Variants in SMAD4 observed in about 807,000 individuals in gnomAD.
The protein encoded by SMAD4 is MAD homolog 4.
SMAD4 carries 7 observed loss-of-function variants against 63.2 expected under a neutral mutation model. The observed-to-expected ratio is 0.11, with a 90% CI of 0.06 to 0.21. The LOEUF is 0.21. SMAD4 is among the 10% of genes least tolerant of loss of function. The pLI, the probability that SMAD4 is intolerant of heterozygous loss-of-function variation, is 1.00. For missense variants in SMAD4, 312 were observed against 693.8 expected (o/e 0.45, Z 6.18); for synonymous variants, 215 against 235.4 (o/e 0.91, Z 0.79).
At chr18:51,035,608 A>G (rs1599173066) in intron 1 of SMAD4, among the ~76,000 whole-genome samples, 1 of 152,320 alleles carries the variant, frequency 6.6e-6, no homozygotes, top group South Asian at 2.1e-4. Context: ...CAAGCCCCCA[A>G]TTAACTAGTC....
At position 51,051,398 on chromosome 18, in the gene SMAD4, G is replaced by C; in HGVS notation, c.454+2074G>C. On this transcript the variant is annotated intron_variant, in intron 4 of 11. Coordinates refer to ENST00000342988, the MANE Select transcript of SMAD4 (RefSeq NM_005359.6). ...ACAGCTCCTTCTAGATTTGGACAAA[G>C]GAATGATACAAGAGCAGGTAACTAA... 1.1e-5 allele frequency: 5 copies of C among 456,124 alleles called. 1 individual carries two copies. Among genetic ancestry groups the C allele is most frequent in the South Asian group, 3.1e-5 (2 of 64,542 alleles). 28.3% of individuals were successfully genotyped at this position (456,124 alleles called of 1,614,324 possible). A position where few individuals can be genotyped will look rare whatever the true frequency, so the allele number is the denominator to read the frequency against.
chr18:51,062,848 C>CTTATT (rs1366376175), intron 8 of SMAD4, among the ~76,000 whole-genome samples: 20 of 83,594 alleles, frequency 2.4e-4, no homozygotes, highest in African/African-American at 8.4e-4. Flanking sequence ...TCTGGCTTTA[C>CTTATT]TTGTTTTTTT....
At chr18:51,045,626 C>G (rs1414909636) in intron 1 of SMAD4, among the ~76,000 whole-genome samples, 1 of 152,084 alleles carries the variant, frequency 6.6e-6, no homozygotes, top group Non-Finnish European at 1.5e-5. Flanking sequence ...CTTTAAAGAA[C>G]AGCTGTATTG....
At position 51,047,315 on chromosome 18, in the gene SMAD4, T is replaced by C. The variant is rs780723246; in HGVS notation, c.249+20T>C. ...CTTCAGGTTAGTCTTATAAGAGTTT[T>C]TCTATACCCTCTATGGTGGCAGATT... On this transcript the variant is annotated intron_variant, in intron 2 of 11. Coordinates refer to ENST00000342988, the MANE Select transcript of SMAD4 (RefSeq NM_005359.6). 4 of 1,611,330 alleles carry C rather than the reference T, an allele frequency of 2.5e-6. No individual in the cohort carries two copies. Among genetic ancestry groups the C allele is most frequent in the Non-Finnish European group, 3.4e-6 (4 of 1,178,070 alleles).
Position 51,083,067 on chromosome 18 carries a change from T to G in SMAD4, c.*4600T>G, listed in dbSNP as rs1234530519. 4.4e-6 allele frequency: 1 copy of G among 225,116 alleles called. No individual in the cohort carries two copies. The highest frequency in any genetic ancestry group is 8.9e-6 in the Non-Finnish European group (1 of 112,940). The allele number at this position is 225,116 out of a possible 1,614,324, so 13.9% of individuals were successfully genotyped here. A position where few individuals can be genotyped will look rare whatever the true frequency, so the allele number is the denominator to read the frequency against. Reference sequence around the variant, plus strand: ...AGTTGAGATAGAGAGAAGTGAGTCATATTCATATTTTCCCCCTTAGAATAA... The same window carrying G: ...AGTTGAGATAGAGAGAAGTGAGTCAGATTCATATTTTCCCCCTTAGAATAA... On this transcript the variant is annotated 3_prime_UTR_variant, in exon 12 of 12. Transcript: ENST00000342988.
chr18:51,059,937 A>T (rs1462614948), intron 8 of SMAD4, 21 bp downstream of exon 8: 1 of 1,581,448 alleles, frequency 6.3e-7, no homozygotes, highest in Non-Finnish European at 8.7e-7. Context: ...TTCAAAATTG[A>T]TTTCCTGTAT....
intron 1 of SMAD4, among the ~76,000 whole-genome samples, chr18:51,044,638 C>G (rs199511039): frequency 1.3e-5 from 2 of 152,308 alleles, no homozygotes; most frequent in East Asian, 3.9e-4. Context: ...AGCGATCCAC[C>G]TGCGTCGGCC....
At chr18:51,032,416 A>G (rs1212456548) in intron 1 of SMAD4, among the ~76,000 whole-genome samples, 1 of 152,234 alleles carries the variant, frequency 6.6e-6, no homozygotes, top group Non-Finnish European at 1.5e-5. Flanking sequence ...TCACTTTGAA[A>G]TATTTTGGAA....
At chr18:51,059,839 A>G in intron 7 of SMAD4, 27 bp from the exon 8 acceptor site, 1 of 1,594,550 alleles carries the variant, frequency 6.3e-7, no homozygotes, top group Admixed American at 1.7e-5. Context: ...GTAAATAAAA[A>G]TGGAATTTTT....
chr18:51,065,725 A>T, intron 9 of SMAD4, 119 bp downstream of exon 9: 1 of 784,146 alleles, frequency 1.3e-6, no homozygotes, highest in Non-Finnish European at 2.0e-6. Context: ...ATAAAGGAAT[A>T]AAGGTCATGT....
chr18:51,063,317 G>A lies in SMAD4; in HGVS notation c.956-2106G>A, dbSNP rs537209474. Among the ~76,000 whole-genome samples, 117 of 151,982 alleles carry A rather than the reference G, an allele frequency of 7.7e-4. 1 individual carries two copies. The highest frequency in any genetic ancestry group is 2.3e-3 in the South Asian group (11 of 4,812). On this transcript the variant is annotated intron_variant, in intron 8 of 11. Transcript: ENST00000342988. The stretch of plus-strand genomic sequence containing the variant: ...TGTCTTAGACAATCTCTGTAGTTTT[G>A]GTTTAACCAGTGTACCTATCAGTTG...
chr18:51,064,852 A>C (rs755662314), intron 8 of SMAD4, among the ~76,000 whole-genome samples: 4 of 152,226 alleles, frequency 2.6e-5, no homozygotes, highest in Non-Finnish European at 5.9e-5. Context: ...TGATTAGAGT[A>C]TAATTAACCT....
Position 51,062,085 on chromosome 18 carries a change from G to A in SMAD4, c.955+2169G>A, listed in dbSNP as rs561884437. ...TTTAATAAACTTTTTGCTGATTTAAGAGGCAAATACTTGTTCTGGTTAGGG... is the reference window on the plus strand; with the variant it reads ...TTTAATAAACTTTTTGCTGATTTAAAAGGCAAATACTTGTTCTGGTTAGGG... On this transcript the variant is annotated intron_variant, in intron 8 of 11. Coordinates refer to ENST00000342988, the MANE Select transcript of SMAD4 (RefSeq NM_005359.6). Among the ~76,000 whole-genome samples, 171 of 152,282 alleles carry A rather than the reference G, an allele frequency of 1.1e-3. 1 individual carries two copies. The highest frequency in any genetic ancestry group is 3.6e-3 in the African/African-American group (149 of 41,556).
intron 7 of SMAD4, 77 bp downstream of exon 7, chr18:51,058,533 GT>G: frequency 1.1e-6 from 1 of 922,418 alleles, no homozygotes; most frequent in Non-Finnish European, 1.7e-6. Context: ...TTTTAAAAAT[GT>G]TTTTACATCT....
intron 4 of SMAD4, among the ~76,000 whole-genome samples, chr18:51,050,105 C>G (rs556999727): frequency 6.6e-6 from 1 of 152,272 alleles, no homozygotes; most frequent in South Asian, 2.1e-4. Flanking sequence ...CACCTGTAAT[C>G]CCAGTACTTT....
chr18:51,039,038 C>T (rs1024827485), intron 1 of SMAD4, among the ~76,000 whole-genome samples: 7 of 152,132 alleles, frequency 4.6e-5, no homozygotes, highest in South Asian at 2.1e-4. Context: ...ACCTGGGAGG[C>T]GGAGGTTGCA....
intron 5 of SMAD4, among the ~76,000 whole-genome samples, chr18:51,055,253 C>A (rs1909812296): frequency 6.6e-6 from 1 of 152,000 alleles, no homozygotes; most frequent in Admixed American, 6.5e-5. Context: ...TCTTAAGCTC[C>A]CAGATATATT....
Position 51,084,488 on chromosome 18 carries a change from T to G in SMAD4, c.*6021T>G. ...TCATATTTTCAAGGACCTGGGAGCC[T>G]TCCTTGGGGCTGGGTTGAGGGTGGG... On this transcript the variant is annotated 3_prime_UTR_variant, in exon 12 of 12. Transcript: ENST00000342988. 1 of 220,334 alleles carries G rather than the reference T, an allele frequency of 4.5e-6. No homozygotes were observed. Among genetic ancestry groups the G allele is most frequent in the Non-Finnish European group, 9.1e-6 (1 of 110,054 alleles). The allele number at this position is 220,334 out of a possible 1,614,324, so 13.6% of individuals were successfully genotyped here. A position where few individuals can be genotyped will look rare whatever the true frequency, so the allele number is the denominator to read the frequency against.
chr18:51,040,533 T>C (rs1226215732), intron 1 of SMAD4, among the ~76,000 whole-genome samples: 3 of 152,196 alleles, frequency 2.0e-5, no homozygotes, highest in East Asian at 3.8e-4. Context: ...TTGACACATA[T>C]AATACAGTTA....
Sources: gnomAD v4.1 joint callset for allele counts (sites outside exome capture counted in the v4.1 genomes callset) on GRCh38, gnomAD v4.1.1 for gene constraint, MANE v1.5 for transcripts, NCBI Gene and HGNC (gene_info 2026-07-23, HGNC 2026-07-21) for gene names.